Variants in PLA2G2F observed in about 807,000 individuals in gnomAD.
The protein encoded by PLA2G2F is group IIF secretory phospholipase A2.
PLA2G2F carries 17 observed loss-of-function variants against 15.9 expected under a neutral mutation model. The observed-to-expected ratio is 1.07, with a 90% CI of 0.73 to 1.60. The LOEUF (loss-of-function observed/expected upper bound fraction) is 1.60, where lower values mean the gene tolerates loss of function less well. Among genes scored for constraint, PLA2G2F ranks in the 40% most tolerant of loss-of-function variants. The pLI, the probability that PLA2G2F is intolerant of heterozygous loss-of-function variation, is 0.00. For synonymous variants in PLA2G2F, 119 were observed against 106.5 expected (o/e 1.12, Z -0.72); for missense variants, 299 against 278.2 (o/e 1.07, Z -0.53).
intron 2 of PLA2G2F, chr1:20,142,245 T>G (rs2017488999): frequency 6.6e-6 from 1 of 152,382 alleles, no homozygotes; most frequent in Non-Finnish European, 1.5e-5. Context: ...CAGGCGGAGC[T>G]GCACTGCCCT....
chr1:20,139,412 C>T lies in PLA2G2F; in HGVS notation c.-16C>T. 6.5e-7 allele frequency: 1 copy of T among 1,547,124 alleles called. No homozygotes were observed. The highest frequency in any genetic ancestry group is 1.7e-4 in the Middle Eastern group (1 of 5,978). ...CCTTCTGAGACCTATGTTGCTGGCC[C>T]CCCAGAACCCGCAACATGGCAGATG... On this transcript the variant is annotated 5_prime_UTR_variant, in exon 1 of 5. Coordinates refer to ENST00000375102, the MANE Select transcript of PLA2G2F (RefSeq NM_022819.4).
At chr1:20,147,835 C>T (rs927683576) in intron 4 of PLA2G2F, among the ~76,000 whole-genome samples, 8 of 152,156 alleles carry the variant, frequency 5.3e-5, no homozygotes, top group Non-Finnish European at 1.0e-4. Context: ...GCCTGGGAGG[C>T]GTGGGGGGTG....
intron 3 of PLA2G2F, among the ~76,000 whole-genome samples, 175 bp from the exon 4 acceptor site, chr1:20,144,405 G>T (rs563659796): frequency 2.6e-5 from 4 of 152,312 alleles, no homozygotes; most frequent in Non-Finnish European, 1.5e-5. Flanking sequence ...CAGAACCTGG[G>T]GTGCCGGCCC....
chr1:20,148,934 C>A lies in PLA2G2F; in HGVS notation c.*533C>A, dbSNP rs953355269. 1 of 160,530 alleles carries A rather than the reference C, an allele frequency of 6.2e-6. No individual in the cohort carries two copies. The highest frequency in any genetic ancestry group is 1.8e-4 in the East Asian group (1 of 5,454). 9.9% of individuals were successfully genotyped at this position (160,530 alleles called of 1,614,324 possible). ...TTTGGGCTTGAAGCTCTCTAGAGCC[C>A]CATTCACAGAGCAGGTGCCCCACCC... On this transcript the variant is annotated 3_prime_UTR_variant, in exon 5 of 5. Transcript: ENST00000375102.
chr1:20,148,269 G>A lies in PLA2G2F; in HGVS notation c.504G>A (p.Thr168=), dbSNP rs143976733. Residue 168 remains threonine, a synonymous_variant, in exon 5 of 5, where the codon ACG becomes ACA. Transcript: ENST00000375102. ...KNMVLCLMNQ[T]YREEYRGFLN... ...TGGTTCTGTGCCTCATGAACCAGAC[G>A]TACCGAGAGGAGTACCGTGGCTTCC... 149 of 1,613,976 alleles carry A rather than the reference G, an allele frequency of 9.2e-5. No homozygotes were observed. In the African/African-American group the frequency reaches 1.3e-3, roughly 14 times the overall value.
At chr1:20,146,265 A>C (rs571816827) in intron 4 of PLA2G2F, among the ~76,000 whole-genome samples, 1 of 152,128 alleles carries the variant, frequency 6.6e-6, no homozygotes, top group Non-Finnish European at 1.5e-5. Flanking sequence ...CTCCTTCCCC[A>C]TCTGGCCTGT....
chr1:20,143,627 A>C, intron 3 of PLA2G2F, 37 bp downstream of exon 3: 2 of 1,604,874 alleles, frequency 1.2e-6, no homozygotes, highest in Non-Finnish European at 1.7e-6. Flanking sequence ...TCAGGGGCCA[A>C]ATGAGGACAG....
intron 4 of PLA2G2F, 103 bp from the exon 5 acceptor site, chr1:20,148,087 C>A: frequency 1.0e-6 from 1 of 959,864 alleles, no homozygotes; most frequent in Non-Finnish European, 1.7e-6. Flanking sequence ...ATTCCAAGGA[C>A]CACTGGGCTC....
intron 2 of PLA2G2F, chr1:20,140,454 C>A: frequency 1.9e-6 from 1 of 519,116 alleles, no homozygotes. Context: ...GCTGAGCAAG[C>A]ATCGTAAAAT....
chr1:20,143,740 TTGAC>T (rs2017527978), intron 3 of PLA2G2F, 150 bp downstream of exon 3: 1 of 967,422 alleles, frequency 1.0e-6, no homozygotes, highest in African/African-American at 1.7e-5. Flanking sequence ...AGCCTGGTCT[TTGAC>T]TATGTTCTTT....
intron 3 of PLA2G2F, chr1:20,143,907 G>C (rs1259048218): frequency 3.9e-6 from 1 of 256,886 alleles, no homozygotes; most frequent in Non-Finnish European, 7.5e-6. Context: ...AAAGGCAAGG[G>C]CTGTGACCCC....
chr1:20,146,685 TTC>T (rs2017615310), intron 4 of PLA2G2F, among the ~76,000 whole-genome samples: 1 of 152,146 alleles, frequency 6.6e-6, no homozygotes, highest in Non-Finnish European at 1.5e-5. Flanking sequence ...CACTCAAATC[TTC>T]TGTCATTGGG....
chr1:20,141,306 A>G (rs2017462839), intron 2 of PLA2G2F: 1 of 152,362 alleles, frequency 6.6e-6, no homozygotes, highest in Non-Finnish European at 1.5e-5. Context: ...AAGTGTGTGT[A>G]TCAGGTATGT....
intron 2 of PLA2G2F, chr1:20,142,540 C>A (rs1189157381): frequency 6.6e-6 from 1 of 152,370 alleles, no homozygotes; most frequent in East Asian, 1.9e-4. Context: ...GCACAGACTG[C>A]AAGATGGAGA....
At chr1:20,144,192 A>G (rs2017537421) in intron 3 of PLA2G2F, 1 of 239,144 alleles carries the variant, frequency 4.2e-6, no homozygotes, top group South Asian at 6.9e-5. Flanking sequence ...GCCATGAGGC[A>G]CAGCCAGGGG....
chr1:20,141,731 A>G (rs950579169), intron 2 of PLA2G2F: 1 of 152,150 alleles, frequency 6.6e-6, no homozygotes, highest in African/African-American at 2.4e-5. Flanking sequence ...CACTCTACAC[A>G]CCTTCATGAT....
chr1:20,140,949 T>C (rs1350583265), intron 2 of PLA2G2F: 1 of 152,250 alleles, frequency 6.6e-6, no homozygotes, highest in Non-Finnish European at 1.5e-5. Context: ...CATGGACCAT[T>C]GGCTGGGCCT....
intron 4 of PLA2G2F, among the ~76,000 whole-genome samples, chr1:20,147,752 A>T (rs750186801): frequency 6.6e-6 from 1 of 152,168 alleles, no homozygotes; most frequent in African/African-American, 2.4e-5. Context: ...GCCCGGCAAT[A>T]ACTCCCTCTT....
chr1:20,140,053 T>C lies in PLA2G2F; in HGVS notation c.117-113T>C, dbSNP rs545538682. 10 of 1,132,376 alleles carry C rather than the reference T, an allele frequency of 8.8e-6. No homozygotes were observed. In the South Asian group the frequency reaches 1.5e-4, roughly 16 times the overall value. The allele number at this position is 1,132,376 out of a possible 1,614,324, so 70.1% of individuals were successfully genotyped here. On this transcript the variant is annotated intron_variant, in intron 1 of 4. Coordinates refer to ENST00000375102, the MANE Select transcript of PLA2G2F (RefSeq NM_022819.4). Reference sequence around the variant, plus strand: ...AGCGCTAGGAGCAGCAACTAGGACATCAAGGGACAGCATTGATGACACCTG... The same window carrying C: ...AGCGCTAGGAGCAGCAACTAGGACACCAAGGGACAGCATTGATGACACCTG...
Sources: allele counts gnomAD v4.1 joint callset (sites outside exome capture counted in the v4.1 genomes callset), GRCh38; gene constraint gnomAD v4.1.1; transcripts MANE v1.5; gene names NCBI Gene and HGNC (gene_info 2026-07-23, HGNC 2026-07-21).